IL1RAPL1: variants seen among roughly 807,000 people sequenced by gnomAD.
IL1RAPL1 encodes the protein interleukin 1 receptor accessory protein like 1.
IL1RAPL1 carries 3 observed loss-of-function variants against 48.4 expected under a neutral mutation model. The observed-to-expected ratio is 0.06, with a 90% CI of 0.03 to 0.16. IL1RAPL1 has a LOEUF of 0.16. Ranked by LOEUF, IL1RAPL1 falls within the 10% of genes least tolerant of loss-of-function variation. The pLI is 1.00. For synonymous variants in IL1RAPL1, 185 were observed against 187.7 expected, an observed-to-expected ratio of 0.99 and a Z score of 0.12; for missense variants, 349 against 530.6, an observed-to-expected ratio of 0.66 and a Z score of 3.36.
At chrX:29,224,464 T>C (rs1931041732) in intron 2 of IL1RAPL1, among the ~76,000 whole-genome samples, 1 of 111,432 alleles carries the variant, frequency 9.0e-6, no homozygotes, top group Non-Finnish European at 1.9e-5. Flanking sequence ...AAAAGTTGCT[T>C]GAGTATTGGG....
At chrX:29,607,165 G>T in intron 5 of IL1RAPL1, among the ~76,000 whole-genome samples, 1 of 111,137 alleles carries the variant, frequency 9.0e-6, no homozygotes, top group South Asian at 3.8e-4. Context: ...ACTTCTCTAG[G>T]TCATCCCTCC....
At chrX:29,110,983 T>A (rs1050647837) in intron 2 of IL1RAPL1, among the ~76,000 whole-genome samples, 1 of 111,414 alleles carries the variant, frequency 9.0e-6, no homozygotes, top group South Asian at 3.8e-4. Context: ...ATGTTTCCTA[T>A]AGGTAGATAT....
At chrX:29,021,180 T>C (rs1391416320) in intron 2 of IL1RAPL1, among the ~76,000 whole-genome samples, 1 of 82,272 alleles carries the variant, frequency 1.2e-5, no homozygotes, top group Non-Finnish European at 2.1e-5. Flanking sequence ...GCCACTGCAC[T>C]CCAGCCTGGC....
chrX:28,751,954 A>G (rs2147246477), intron 1 of IL1RAPL1, among the ~76,000 whole-genome samples: 1 of 111,193 alleles, frequency 9.0e-6, no homozygotes. Flanking sequence ...ATATCCCTTA[A>G]CTTCTCTAAG....
At chrX:29,915,744 TTTATTTTTA>T (rs1467059350) in intron 6 of IL1RAPL1, among the ~76,000 whole-genome samples, 45 of 99,864 alleles carry the variant, frequency 4.5e-4, no homozygotes, top group Admixed American at 1.5e-3. Flanking sequence ...GCATTTAATT[TTTATTTTTA>T]TTATTTTTAT....
intron 1 of IL1RAPL1, among the ~76,000 whole-genome samples, chrX:28,609,628 TACACAC>T (rs3078234): frequency 0.018 from 1,633 of 89,422 alleles, 31 homozygotes; most frequent in African/African-American, 0.064. Flanking sequence ...TGCATGTTCT[TACACAC>T]ACACACACAC....
intron 2 of IL1RAPL1, among the ~76,000 whole-genome samples, chrX:28,794,920 A>G (rs978774769): frequency 1.8e-5 from 2 of 111,859 alleles, no homozygotes; most frequent in Admixed American, 1.9e-4. Flanking sequence ...TCTCATGTCA[A>G]TGTGATTTAT....
intron 6 of IL1RAPL1, among the ~76,000 whole-genome samples, chrX:29,802,977 A>ATATATATG: frequency 1.3e-5 from 1 of 75,760 alleles, no homozygotes; most frequent in African/African-American, 5.4e-5. Context: ...ACATATATAC[A>ATATATATG]TACATGTGTA....
At chrX:29,620,596 A>T (rs1452234709) in intron 5 of IL1RAPL1, among the ~76,000 whole-genome samples, 1 of 112,258 alleles carries the variant, frequency 8.9e-6, no homozygotes, top group African/African-American at 3.2e-5. Flanking sequence ...AATATTGTTG[A>T]TATTATTAGT....
intron 6 of IL1RAPL1, among the ~76,000 whole-genome samples, chrX:29,754,796 C>G (rs890131085): frequency 8.9e-6 from 1 of 112,866 alleles, no homozygotes; most frequent in African/African-American, 3.2e-5. Flanking sequence ...ATAAAACACA[C>G]TGCATCAGCT....
chrX:29,379,540 T>A (rs895045092), intron 3 of IL1RAPL1, among the ~76,000 whole-genome samples: 1 of 111,789 alleles, frequency 8.9e-6, no homozygotes, highest in Non-Finnish European at 1.9e-5. Flanking sequence ...CCCTGCCAGC[T>A]CAAATGTCTG....
chrX:29,768,572 T>A (rs1482784117), intron 6 of IL1RAPL1, among the ~76,000 whole-genome samples: 2 of 112,031 alleles, frequency 1.8e-5, no homozygotes, highest in African/African-American at 6.5e-5. Context: ...TTTAATCAAC[T>A]GTACATGGAA....
At position 29,494,936 on chromosome X, in the gene IL1RAPL1, G is replaced by A. The variant is rs752314672; in HGVS notation, c.703+95628G>A. Among the ~76,000 whole-genome samples, 20 of 111,836 alleles carry A rather than the reference G, an allele frequency of 1.8e-4. No individual in the cohort carries two copies. The South Asian group carries it at 6.4e-3, about 36-fold the overall frequency. ...AGTTCCTATGTCTCAGTTCACTAAT[G>A]AAATGTTTTCTAACCTGTGAAAATT... On this transcript the variant is annotated intron_variant, in intron 5 of 10. Transcript: ENST00000378993.
chrX:29,639,272 C>T (rs1452925359), intron 5 of IL1RAPL1, among the ~76,000 whole-genome samples: 1 of 110,759 alleles, frequency 9.0e-6, no homozygotes, highest in Non-Finnish European at 1.9e-5. Flanking sequence ...CTGTTTCAGA[C>T]TTAGGACTAG....
chrX:29,032,301 G>A (rs1392328389), intron 2 of IL1RAPL1, among the ~76,000 whole-genome samples: 5 of 112,119 alleles, frequency 4.5e-5, no homozygotes, highest in Non-Finnish European at 9.4e-5. Flanking sequence ...CCAAAAGGGA[G>A]CAATTAAACT....
At chrX:28,739,290 ATTTTCCTCC>A (rs1426759479) in intron 1 of IL1RAPL1, among the ~76,000 whole-genome samples, 1 of 111,082 alleles carries the variant, frequency 9.0e-6, no homozygotes, top group African/African-American at 3.3e-5. Context: ...TCATGCTGTA[ATTTTCCTCC>A]TTACCACAAT....
intron 5 of IL1RAPL1, among the ~76,000 whole-genome samples, chrX:29,602,863 G>T: frequency 8.9e-6 from 1 of 112,408 alleles, no homozygotes; most frequent in East Asian, 2.8e-4. Flanking sequence ...TTAATATCTA[G>T]GACTACCCTG....
chrX:28,952,888 A>T (rs2147356432), intron 2 of IL1RAPL1, among the ~76,000 whole-genome samples: 1 of 111,659 alleles, frequency 9.0e-6, no homozygotes, highest in South Asian at 3.7e-4. Flanking sequence ...CAGACATATT[A>T]GCAGGATAAA....
intron 5 of IL1RAPL1, among the ~76,000 whole-genome samples, chrX:29,655,180 G>C (rs1445723745): frequency 9.0e-6 from 1 of 111,583 alleles, no homozygotes; most frequent in Non-Finnish European, 1.9e-5. Flanking sequence ...AAATCCTACA[G>C]TAAAAGTTTC....
Sources: allele counts gnomAD v4.1 joint callset (sites outside exome capture counted in the v4.1 genomes callset), GRCh38; gene constraint gnomAD v4.1.1; transcripts MANE v1.5; gene names NCBI Gene and HGNC (gene_info 2026-07-23, HGNC 2026-07-21).